The following UBR4 variants were observed in gnomAD, a reference collection of about 807,000 sequenced individuals.
UBR4 encodes ubiquitin protein ligase E3 component n-recognin 4.
A neutral mutation model predicts 575.6 loss-of-function variants in UBR4; 124 were observed. The ratio of observed to expected loss-of-function variants is 0.22; its 90% CI spans 0.19 to 0.25. The LOEUF (loss-of-function observed/expected upper bound fraction) is 0.25, where lower values mean the gene tolerates loss of function less well. Ranked by LOEUF, UBR4 falls within the 10% of genes least tolerant of loss-of-function variation. The probability of loss-of-function intolerance (pLI) is 1.00; values close to 1 mark genes in which losing one functional copy is unlikely to be tolerated. For synonymous variants in UBR4, 2,455 were observed against 2,473.7 expected (o/e 0.99, Z 0.22); for missense variants, 4,818 against 6,478.8 (o/e 0.74, Z 8.80).
In UBR4 at chr1:19,152,565, C is replaced by T. The variant is rs898477077; in HGVS notation, c.6833-89G>A. 3 of 1,536,062 alleles carry T rather than the reference C, an allele frequency of 2.0e-6. No homozygotes were observed. Among genetic ancestry groups the T allele is most frequent in the Non-Finnish European group, 2.7e-6 (3 of 1,123,536 alleles). On this transcript the variant is annotated intron_variant, in intron 46 of 105. Transcript: ENST00000375254. The surrounding 1 kb of genome is among the most constrained non-coding windows in gnomAD (Gnocchi z 4.4). The stretch of plus-strand genomic sequence containing the variant: ...AGACTCCTCCCAGACAGAGCCCACA[C>T]TCACACTCTAATCTAAGCAAACTCT...
chr1:19,118,927 T>A lies in UBR4; in HGVS notation c.10486A>T (p.Ile3496Phe), dbSNP rs2080880676. ...LKEYSQKAVE[I>F]LRTQNHILTN... ...AGAATATGGTTTTGAGTCCGCAGAA[T>A]CTCCACAGCCTTCTGTGAATACTCC... is the stretch of plus-strand genomic sequence containing the variant. The change falls in exon 71 of 106, where the codon ATT becomes TTT. Residue 3496 changes from isoleucine (I) to phenylalanine (F), a missense_variant. By Grantham distance (21) the Ile-to-Phe change is conservative. Around this residue, in one of 29 missense-constraint regions of UBR4, gnomAD observed 550 missense variants for 791.5 expected, o/e 0.69. Coordinates refer to ENST00000375254, the MANE Select transcript of UBR4 (RefSeq NM_020765.3). 2 of 1,614,148 alleles carry A rather than the reference T, an allele frequency of 1.2e-6. No homozygotes were observed. Among genetic ancestry groups the A allele is most frequent in the Non-Finnish European group, 1.7e-6 (2 of 1,180,012 alleles).
intron 60 of UBR4, among the ~76,000 whole-genome samples, chr1:19,137,793 C>T (rs977780872): frequency 2.0e-5 from 3 of 152,194 alleles, no homozygotes; most frequent in Non-Finnish European, 4.4e-5. Flanking sequence ...AGAAATACCA[C>T]TTTCTATTCT....
chr1:19,097,137 C>T (rs1344240268), intron 91 of UBR4, 56 bp downstream of exon 91: 7 of 1,486,240 alleles, frequency 4.7e-6, no homozygotes, highest in Admixed American at 2.1e-5. Context: ...AGTCCTGGGA[C>T]GTGAGCCGCT....
intron 34 of UBR4, 26 bp downstream of exon 34, chr1:19,163,738 C>A (rs561202570): frequency 1.5e-5 from 24 of 1,612,224 alleles, no homozygotes; most frequent in Middle Eastern, 1.6e-4. Flanking sequence ...CCTTCACCCC[C>A]CATTGTCATT....
chr1:19,177,694 C>T lies in UBR4; in HGVS notation c.2404G>A (p.Glu802Lys). 6.2e-7 allele frequency: 1 copy of T among 1,614,032 alleles called. No individual in the cohort carries two copies. The highest frequency in any genetic ancestry group is 1.1e-5 in the South Asian group (1 of 91,076). Residue 802 changes from glutamate (E) to lysine (K), a missense_variant, in exon 19 of 106, where the codon GAG (glutamate) becomes AAG (lysine). Coordinates refer to ENST00000375254, the MANE Select transcript of UBR4 (RefSeq NM_020765.3). ...TGTTCTACATTCAGATCCTCTGTCT[C>T]ACTGGGCACCACACCTTGCAGGGCA... ...QNALQGVVPS[E>K]TEDLNVEHLQ... is the part of the protein sequence containing the mutation.
Position 19,210,205 on chromosome 1 carries a change from G to C in UBR4, c.44C>G (p.Ala15Gly). 6.9e-7 allele frequency: 1 copy of C among 1,459,730 alleles called. No individual in the cohort carries two copies. Among genetic ancestry groups the C allele is most frequent in the Non-Finnish European group, 9.0e-7 (1 of 1,110,346 alleles). 90.4% of individuals were successfully genotyped at this position (1,459,730 alleles called of 1,614,324 possible). Residue 15 changes from alanine to glycine, a missense_variant, in exon 1 of 106, where the codon GCG (alanine) becomes GGG (glycine). By Grantham distance (60) the Ala-to-Gly change is moderately conservative. Around this residue, in one of 29 missense-constraint regions of UBR4, gnomAD observed 95 missense variants for 87.7 expected, o/e 1.08. Coordinates refer to ENST00000375254, the MANE Select transcript of UBR4 (RefSeq NM_020765.3). ...CGCCCCCGTTGCCGGGGTCCCCGGC[G>C]CCGGAGCCGCTGCCGCCGCCTCTTC... is the stretch of plus-strand genomic sequence containing the variant. ...GGEEAAAAAP[A>G]PGTPATGADT...
At chr1:19,108,373 T>C (rs1042651087) in intron 81 of UBR4, among the ~76,000 whole-genome samples, 8 of 152,194 alleles carry the variant, frequency 5.3e-5, no homozygotes, top group African/African-American at 1.9e-4. Flanking sequence ...CAACCACAAT[T>C]TGCCCATCAG....
Position 19,100,188 on chromosome 1 carries a change from C to T in UBR4, c.13221+188G>A, listed in dbSNP as rs1347586851. The T allele has an allele frequency of 1.6e-5, 10 of 625,752 alleles. No individual in the cohort carries two copies. The highest frequency in any genetic ancestry group is 2.8e-5 in the Non-Finnish European group (10 of 358,698). 38.8% of individuals were successfully genotyped at this position (625,752 alleles called of 1,614,324 possible). ...GCCAGGCACTGGGCAGAGCCCTTTA[C>T]AGGTTATTAACCTTAGCACTAGGTG... On this transcript the variant is annotated intron_variant, in intron 89 of 105. Coordinates refer to ENST00000375254, the MANE Select transcript of UBR4 (RefSeq NM_020765.3). This position sits in a 1 kb window ranked among gnomAD's most constrained non-coding sequence, Gnocchi z 4.2.
At chr1:19,196,913 C>T (rs1176231634) in intron 8 of UBR4, among the ~76,000 whole-genome samples, 2 of 152,168 alleles carry the variant, frequency 1.3e-5, no homozygotes, top group Non-Finnish European at 2.9e-5. Flanking sequence ...AGTATCTGCA[C>T]ATACTATAAA....
chr1:19,191,414 T>A (rs987613147), intron 11 of UBR4, among the ~76,000 whole-genome samples: 9 of 152,126 alleles, frequency 5.9e-5, no homozygotes, highest in Non-Finnish European at 1.3e-4. Flanking sequence ...GAGGTTACAG[T>A]GAGCCACAAT....
At chr1:19,105,885 C>T (rs2079136614) in intron 83 of UBR4, 43 bp from the exon 84 acceptor site, 2 of 1,441,188 alleles carry the variant, frequency 1.4e-6, no homozygotes, top group Non-Finnish European at 1.8e-6. Flanking sequence ...TCAGAGGATG[C>T]CCTGCCTCAC....
At chr1:19,077,663 G>T in intron 104 of UBR4, 4 of 889,970 alleles carry the variant, frequency 4.5e-6, no homozygotes, top group South Asian at 2.9e-5. Context: ...AACCCGGGAT[G>T]CAGAGGTTGC....
Position 19,194,602 on chromosome 1 carries a change from G to A in UBR4, c.1019-1045C>T, listed in dbSNP as rs1300755806. ...GGATCACCTGAGGTCAGGAGTCTGA[G>A]ACCAGCCTCGCCAACATGGTGAAAC... is the stretch of plus-strand genomic sequence containing the variant. On this transcript the variant is annotated intron_variant, in intron 8 of 105. Transcript: ENST00000375254. Among the ~76,000 whole-genome samples, 19 of 152,184 alleles carry A rather than the reference G, an allele frequency of 1.2e-4. No homozygotes were observed. The East Asian group carries it at 3.3e-3, about 26-fold the overall frequency.
At chr1:19,125,875 G>T (rs577138371) in intron 64 of UBR4, among the ~76,000 whole-genome samples, 58 of 152,268 alleles carry the variant, frequency 3.8e-4, no homozygotes, top group Non-Finnish European at 6.9e-4. Flanking sequence ...GCTAGGCATT[G>T]TGCTAAGTCC....
chr1:19,192,591 T>C (rs1316909130), intron 9 of UBR4, 51 bp from the exon 10 acceptor site: 2 of 1,595,866 alleles, frequency 1.3e-6, no homozygotes, highest in Non-Finnish European at 1.7e-6. Context: ...ACAGATTTCA[T>C]CATAAATGCT....
At chr1:19,172,106 CAA>C (rs1308049666) in intron 25 of UBR4, among the ~76,000 whole-genome samples, 2 of 152,082 alleles carry the variant, frequency 1.3e-5, no homozygotes, top group Admixed American at 1.3e-4. Context: ...TCATACAGAC[CAA>C]AGTCTACAGG....
chr1:19,105,658 A>G, intron 84 of UBR4, 75 bp downstream of exon 84: 1 of 1,155,854 alleles, frequency 8.7e-7, no homozygotes, highest in Admixed American at 3.2e-5. Context: ...ACCCTGATCC[A>G]TGGATTCCCC....
chr1:19,160,292 T>C lies in UBR4; in HGVS notation c.5407-11A>G, dbSNP rs371649858. 235 of 1,436,870 alleles carry C rather than the reference T, an allele frequency of 1.6e-4. No individual in the cohort carries two copies. The highest frequency in any genetic ancestry group is 7.7e-4 in the African/African-American group (45 of 58,290). 89.0% of individuals were successfully genotyped at this position (1,436,870 alleles called of 1,614,324 possible). ...GAAGGAGAAATTGGCCTGAGAAAAA[T>C]AGAAAAAATACACCAGTGAAAAAAA... is the stretch of plus-strand genomic sequence containing the variant. On this transcript the variant is annotated splice_polypyrimidine_tract_variant and intron_variant, in intron 38 of 105. Transcript: ENST00000375254.
chr1:19,100,499 C>T lies in UBR4; in HGVS notation c.13098G>A (p.Arg4366=). The T allele has an allele frequency of 6.2e-7, 1 of 1,614,086 alleles. No homozygotes were observed. Among genetic ancestry groups the T allele is most frequent in the South Asian group, 1.1e-5 (1 of 91,080 alleles). The change falls in exon 89 of 106, where the codon AGG becomes AGA. Residue 4366 remains arginine (R), a synonymous_variant. Coordinates refer to ENST00000375254, the MANE Select transcript of UBR4 (RefSeq NM_020765.3). The surrounding 1 kb of genome is among the most constrained non-coding windows in gnomAD (Gnocchi z 4.2). ...DPQQEDFLQG[R]MPGNPYSSNE... ...TGCTGCTATACGGGTTCCCAGGCAT[C>T]CTGCCCTGTAAGAAGTCTTCTTGTT...
Sources: allele counts gnomAD v4.1 joint callset (sites outside exome capture counted in the v4.1 genomes callset), GRCh38; gene constraint gnomAD v4.1.1; regional missense constraint gnomAD v4.1.1; non-coding constraint Gnocchi (gnomAD v3.1); transcripts MANE v1.5; gene names NCBI Gene and HGNC (gene_info 2026-07-23, HGNC 2026-07-21).